Variants in GRIN2A observed in about 807,000 individuals in gnomAD.
GRIN2A encodes the protein glutamate receptor ionotropic, NMDA 2A.
In GRIN2A, 22 loss-of-function variants were observed where a neutral mutation model predicts 113.4. The ratio of observed to expected loss-of-function variants is 0.19; its 90% CI spans 0.14 to 0.28. GRIN2A has a LOEUF of 0.28. Among genes scored for constraint, GRIN2A ranks in the 10% least tolerant of loss-of-function variants. The pLI, the probability that GRIN2A is intolerant of heterozygous loss-of-function variation, is 1.00. For synonymous variants in GRIN2A, 827 were observed against 738.4 expected (o/e 1.12, Z -1.94); for missense variants, 1,502 against 1,887.0 (o/e 0.80, Z 3.78).
intron 2 of GRIN2A, among the ~76,000 whole-genome samples, chr16:10,093,888 GC>G (rs1470617571): frequency 1.3e-5 from 2 of 152,162 alleles, no homozygotes; most frequent in Non-Finnish European, 2.9e-5. Context: ...GGGAAACTCT[GC>G]CCAAGACATC....
intron 2 of GRIN2A, among the ~76,000 whole-genome samples, chr16:10,075,186 G>A (rs750438465): frequency 6.6e-6 from 1 of 151,962 alleles, no homozygotes; most frequent in African/African-American, 2.4e-5. Context: ...AGTACCTGGC[G>A]CGTAGTCAGC....
Position 9,788,706 on chromosome 16 carries a change from T to C in GRIN2A, c.2356+9571A>G, listed in dbSNP as rs576164501. On this transcript the variant is annotated intron_variant, in intron 11 of 12. Transcript: ENST00000330684. ...GTTCTCATCTTCATCTTCTCCCTTC[T>C]CTTAGGAGAACTGGACAACCAACTT... Among the ~76,000 whole-genome samples the C allele has an allele frequency of 2.0e-5, 3 of 151,506 alleles. No individual in the cohort carries two copies. The East Asian group carries it at 5.8e-4, about 29-fold the overall frequency.
chr16:10,157,996 T>TTTTA (rs971230035), intron 2 of GRIN2A, among the ~76,000 whole-genome samples: 13 of 152,066 alleles, frequency 8.5e-5, no homozygotes, highest in East Asian at 5.8e-4. Context: ...CTATATTTAT[T>TTTTA]TTTATTTATT....
chr16:9,806,605 G>T (rs760064283), intron 10 of GRIN2A, among the ~76,000 whole-genome samples: 1 of 152,030 alleles, frequency 6.6e-6, no homozygotes, highest in African/African-American at 2.4e-5. Flanking sequence ...GATCCAGATG[G>T]AAGGAGGTAC....
At chr16:10,010,884 T>C (rs978917198) in intron 2 of GRIN2A, among the ~76,000 whole-genome samples, 1 of 152,220 alleles carries the variant, frequency 6.6e-6, no homozygotes, top group African/African-American at 2.4e-5. Context: ...GCAATCATAT[T>C]ATATCCTGTG....
rs533910008 is a variant in GRIN2A at position 10,179,883 on chromosome 16, C to T, written c.414+115G>A. On this transcript the variant is annotated intron_variant, in intron 2 of 12. Coordinates refer to ENST00000330684, the MANE Select transcript of GRIN2A (RefSeq NM_001134407.3). ...AGGGCCAGTGGCCACGACCCTCCCA[C>T]CCCCACCCCCACTTCACATCAAGAC... 965 of 585,744 alleles carry T rather than the reference C, an allele frequency of 1.6e-3. 8 individuals are homozygous for T. The highest frequency in any genetic ancestry group is 2.7e-3 in the Non-Finnish European group (872 of 319,496). 36.3% of individuals were successfully genotyped at this position (585,744 alleles called of 1,614,324 possible). A position where few individuals can be genotyped will look rare whatever the true frequency, so the allele number is the denominator to read the frequency against.
intron 2 of GRIN2A, among the ~76,000 whole-genome samples, chr16:10,020,944 C>A (rs1248841924): frequency 6.6e-6 from 1 of 152,200 alleles, no homozygotes; most frequent in Non-Finnish European, 1.5e-5. Flanking sequence ...ACTTCTCCAG[C>A]CTGTGCATGA....
chr16:9,782,348 T>A (rs1901986806), intron 11 of GRIN2A, among the ~76,000 whole-genome samples: 1 of 152,224 alleles, frequency 6.6e-6, no homozygotes. Flanking sequence ...CCATTTTATA[T>A]CAGGAACTTG....
chr16:9,940,157 G>C (rs990119508), intron 2 of GRIN2A, among the ~76,000 whole-genome samples: 4 of 151,758 alleles, frequency 2.6e-5, no homozygotes, highest in African/African-American at 9.7e-5. Flanking sequence ...CCTTCAACAA[G>C]TTTACATCAC....
chr16:9,819,627 T>A (rs532560584), intron 10 of GRIN2A, among the ~76,000 whole-genome samples: 1 of 152,236 alleles, frequency 6.6e-6, no homozygotes, highest in African/African-American at 2.4e-5. Flanking sequence ...TAATGATAAC[T>A]GCTGTGCTTT....
At chr16:9,818,116 A>G (rs1313716951) in intron 10 of GRIN2A, among the ~76,000 whole-genome samples, 1 of 152,086 alleles carries the variant, frequency 6.6e-6, no homozygotes, top group African/African-American at 2.4e-5. Context: ...GAAAATTTTA[A>G]AAAGGAAACA....
chr16:9,973,511 A>G (rs1429315457), intron 2 of GRIN2A, among the ~76,000 whole-genome samples: 1 of 152,196 alleles, frequency 6.6e-6, no homozygotes, highest in East Asian at 1.9e-4. Flanking sequence ...GGGAAAAAAT[A>G]TTGAAGAATA....
intron 2 of GRIN2A, among the ~76,000 whole-genome samples, chr16:9,973,805 A>T (rs184105042): frequency 6.6e-6 from 1 of 152,310 alleles, no homozygotes; most frequent in Non-Finnish European, 1.5e-5. Context: ...AACAAATTCT[A>T]TAATTAGTGA....
chr16:9,833,750 C>T (rs1031899372), intron 8 of GRIN2A, among the ~76,000 whole-genome samples: 3 of 152,172 alleles, frequency 2.0e-5, no homozygotes, highest in East Asian at 3.9e-4. Context: ...GATTGAGTCT[C>T]GCTCTGTCCC....
chr16:10,180,510 C>G lies in GRIN2A; in HGVS notation c.-18-81G>C. 6.5e-7 allele frequency: 1 copy of G among 1,534,662 alleles called. No individual in the cohort carries two copies. Reference sequence around the variant, plus strand: ...GGGATTACCAACTTGGCTTCCTGCTCTAGGAGCCAGGCATGGAACTCAGCA... The same window carrying G: ...GGGATTACCAACTTGGCTTCCTGCTGTAGGAGCCAGGCATGGAACTCAGCA... On this transcript the variant is annotated intron_variant, in intron 1 of 12. Coordinates refer to ENST00000330684, the MANE Select transcript of GRIN2A (RefSeq NM_001134407.3). The surrounding 1 kb of genome is among the most constrained non-coding windows in gnomAD (Gnocchi z 7.0).
At chr16:10,040,969 C>A (rs1460931008) in intron 2 of GRIN2A, among the ~76,000 whole-genome samples, 1 of 152,242 alleles carries the variant, frequency 6.6e-6, no homozygotes, top group Non-Finnish European at 1.5e-5. Flanking sequence ...ATCCTAAGCC[C>A]TTCCTTCTCT....
intron 3 of GRIN2A, among the ~76,000 whole-genome samples, chr16:9,933,981 T>C (rs566018055): frequency 4.1e-4 from 63 of 152,338 alleles, no homozygotes; most frequent in Non-Finnish European, 8.2e-4. Context: ...CACATGTACA[T>C]GGATTTGGAT....
rs143521438 is a variant in GRIN2A at position 9,999,804 on chromosome 16, G to C, written c.415-61253C>G. 5.3e-5 allele frequency among the ~76,000 whole-genome samples: 8 copies of C among 152,192 alleles called. No homozygotes were observed. The East Asian group carries it at 1.2e-3, about 22-fold the overall frequency. Reference sequence around the variant, plus strand: ...TCACTGATCACAGGCTCTCACACAGGGGGTATTAGTTTCCATTTGCTGTTG... The same window carrying C: ...TCACTGATCACAGGCTCTCACACAGCGGGTATTAGTTTCCATTTGCTGTTG... On this transcript the variant is annotated intron_variant, in intron 2 of 12. Coordinates refer to ENST00000330684, the MANE Select transcript of GRIN2A (RefSeq NM_001134407.3).
intron 2 of GRIN2A, chr16:10,171,314 G>C (rs921792363): frequency 1.3e-5 from 2 of 152,134 alleles, no homozygotes; most frequent in African/African-American, 2.4e-5. Flanking sequence ...GAGCTGCCAG[G>C]TTTCCCAGGC....
Sources: gnomAD v4.1 joint callset for allele counts (sites outside exome capture counted in the v4.1 genomes callset) on GRCh38, gnomAD v4.1.1 for gene constraint, Gnocchi (gnomAD v3.1) non-coding constraint, MANE v1.5 for transcripts, NCBI Gene and HGNC (gene_info 2026-07-23, HGNC 2026-07-21) for gene names.